Variants in SHOC1 observed in about 807,000 individuals in gnomAD.
The protein encoded by SHOC1 is shortage in chiasmata 1, also known as protein shortage in chiasmata 1 ortholog.
Under a neutral mutation model 179.2 loss-of-function variants are expected in SHOC1, and 136 were observed. The observed-to-expected ratio is 0.76, with a 90% CI of 0.66 to 0.87. The LOEUF is 0.87. Among genes scored for constraint, SHOC1 ranks in the 40% least tolerant of loss-of-function variants. The probability of loss-of-function intolerance (pLI) is 0.00; values close to 1 mark genes in which losing one functional copy is unlikely to be tolerated. For synonymous variants in SHOC1, 489 were observed against 586.6 expected, an observed-to-expected ratio of 0.83 and a Z score of 2.41; for missense variants, 1,538 against 1,700.8, an observed-to-expected ratio of 0.90 and a Z score of 1.68.
intron 2 of SHOC1, among the ~76,000 whole-genome samples, chr9:111,788,888 T>G (rs571066246): frequency 6.8e-6 from 1 of 146,440 alleles, no homozygotes; most frequent in East Asian, 1.9e-4. Context: ...TATCTTCCAT[T>G]ACTCTAGTCT....
At chr9:111,766,289 A>T (rs1428020863) in intron 5 of SHOC1, among the ~76,000 whole-genome samples, 2 of 151,878 alleles carry the variant, frequency 1.3e-5, no homozygotes, top group Non-Finnish European at 2.9e-5. Context: ...CATTTTGTTT[A>T]TTCATCCACT....
chr9:111,782,028 A>G (rs427315), intron 3 of SHOC1, among the ~76,000 whole-genome samples: 122,574 of 152,052 alleles, frequency 0.81, 49,578 homozygotes, highest in East Asian at 0.92. Context: ...TGGCTAACAC[A>G]GTGAAACCCT....
intron 2 of SHOC1, among the ~76,000 whole-genome samples, chr9:111,786,448 C>A (rs1277034294): frequency 6.8e-6 from 1 of 146,798 alleles, no homozygotes; most frequent in Non-Finnish European, 1.5e-5. Flanking sequence ...AAAACAACAA[C>A]AAAAAAAACA....
At chr9:111,689,105 G>A (rs1219894821) in intron 27 of SHOC1, among the ~76,000 whole-genome samples, 1 of 151,998 alleles carries the variant, frequency 6.6e-6, no homozygotes, top group East Asian at 1.9e-4. Context: ...AAAAGGCAGG[G>A]TGGGGTGCAG....
At chr9:111,734,960 A>G (rs10981041) in intron 12 of SHOC1, among the ~76,000 whole-genome samples, 1 of 151,710 alleles carries the variant, frequency 6.6e-6, no homozygotes, top group South Asian at 2.1e-4. Context: ...TAGTTTTTCA[A>G]CCCCTTCCCC....
intron 14 of SHOC1, among the ~76,000 whole-genome samples, chr9:111,723,410 A>G (rs1833154655): frequency 6.6e-6 from 1 of 152,230 alleles, no homozygotes; most frequent in Non-Finnish European, 1.5e-5. Context: ...AAAAAAATCA[A>G]TATAGGAATC....
intron 7 of SHOC1, among the ~76,000 whole-genome samples, chr9:111,757,138 C>T (rs181612016): frequency 1.6e-4 from 24 of 152,276 alleles, no homozygotes; most frequent in South Asian, 8.3e-4. Flanking sequence ...GATGGAGTCT[C>T]GCTCTGTCAC....
intron 12 of SHOC1, among the ~76,000 whole-genome samples, chr9:111,734,814 T>TA (rs60287991): frequency 0.82 from 123,694 of 151,698 alleles, 50,626 homozygotes; most frequent in East Asian, 0.92. Flanking sequence ...TTTTTGTGAT[T>TA]AAAATATAAT....
At chr9:111,775,179 G>C (rs942089727) in intron 5 of SHOC1, among the ~76,000 whole-genome samples, 1 of 151,984 alleles carries the variant, frequency 6.6e-6, no homozygotes, top group African/African-American at 2.4e-5. Flanking sequence ...ATTTTGAGTA[G>C]AGATGGGGTT....
chr9:111,704,075 TAA>T, intron 21 of SHOC1, 83 bp from the exon 22 acceptor site: 1 of 623,870 alleles, frequency 1.6e-6, no homozygotes. Flanking sequence ...TCCTGCATGT[TAA>T]GTTATTTGGA....
chr9:111,783,279 A>T (rs1262593748), intron 3 of SHOC1: 1 of 152,050 alleles, frequency 6.6e-6, no homozygotes, highest in Non-Finnish European at 1.5e-5. Context: ...TTCTCAACAT[A>T]CTCCAATCAT....
At chr9:111,766,139 G>A (rs1268995587) in intron 5 of SHOC1, among the ~76,000 whole-genome samples, 1 of 152,044 alleles carries the variant, frequency 6.6e-6, no homozygotes, top group Admixed American at 6.5e-5. Context: ...CCACATGAGT[G>A]AGAACATACA....
intron 16 of SHOC1, among the ~76,000 whole-genome samples, chr9:111,717,275 C>G (rs1832833281): frequency 6.6e-6 from 1 of 152,118 alleles, no homozygotes; most frequent in Admixed American, 6.6e-5. Context: ...AATTATAAAA[C>G]ATAATTCCAT....
intron 18 of SHOC1, among the ~76,000 whole-genome samples, chr9:111,711,508 C>CT (rs1564116961): frequency 6.6e-6 from 1 of 151,990 alleles, no homozygotes; most frequent in African/African-American, 2.4e-5. Context: ...TGAGTTTTTT[C>CT]TTTTTTACCA....
At chr9:111,722,235 T>C (rs1833086856) in intron 15 of SHOC1, among the ~76,000 whole-genome samples, 174 bp downstream of exon 15, 1 of 152,228 alleles carries the variant, frequency 6.6e-6, no homozygotes. Flanking sequence ...TCTTACCTTT[T>C]TCTCTACTTA....
intron 5 of SHOC1, among the ~76,000 whole-genome samples, chr9:111,772,297 T>C (rs1835644917): frequency 6.6e-6 from 1 of 152,216 alleles, no homozygotes; most frequent in Non-Finnish European, 1.5e-5. Context: ...GTTAAATTTC[T>C]CCAGCAATTT....
chr9:111,693,569 C>A (rs1276889385), intron 26 of SHOC1, among the ~76,000 whole-genome samples: 1 of 151,630 alleles, frequency 6.6e-6, no homozygotes, highest in Non-Finnish European at 1.5e-5. Context: ...TACCATTGCA[C>A]TCCAGCCTGG....
intron 1 of SHOC1, 133 bp from the exon 2 acceptor site, chr9:111,791,587 A>G (rs555294571): frequency 1.9e-5 from 7 of 372,244 alleles, no homozygotes; most frequent in African/African-American, 1.2e-4. Context: ...AATAATATAC[A>G]TTACTATAAT....
intron 10 of SHOC1, among the ~76,000 whole-genome samples, chr9:111,745,782 T>C (rs1834248489): frequency 6.6e-6 from 1 of 152,210 alleles, no homozygotes. Context: ...CACCACTACA[T>C]TGCCTTTCAT....
Sources: allele counts gnomAD v4.1 joint callset (sites outside exome capture counted in the v4.1 genomes callset), GRCh38; gene constraint gnomAD v4.1.1; transcripts MANE v1.5; gene names NCBI Gene and HGNC (gene_info 2026-07-23, HGNC 2026-07-21).